Variants in PRKCQ observed in about 807,000 individuals in gnomAD.
PRKCQ encodes protein kinase C theta, also known as protein kinase C theta type.
A neutral mutation model predicts 91.2 loss-of-function variants in PRKCQ; 41 were observed. That is an observed-to-expected ratio of 0.45 (90% CI 0.35 to 0.58). The LOEUF (loss-of-function observed/expected upper bound fraction) is 0.58. PRKCQ is among the 20% of genes least tolerant of loss of function. PRKCQ has a pLI of 0.00. For synonymous variants in PRKCQ, 307 were observed against 316.9 expected, an observed-to-expected ratio of 0.97 and a Z score of 0.33; for missense variants, 673 against 896.5, an observed-to-expected ratio of 0.75 and a Z score of 3.18.
Position 6,517,348 on chromosome 10 carries a change from T to C in PRKCQ, c.-9-2204A>G, listed in dbSNP as rs1838805725. On this transcript the variant is annotated intron_variant, in intron 1 of 17. Coordinates refer to ENST00000263125, the MANE Select transcript of PRKCQ (RefSeq NM_006257.5). Reference sequence around the variant, plus strand: ...TAAATTAGCAAGTTTTGTGTTTTTTTTTTTCTTACATGCTATGATCATCCT... The same window carrying C: ...TAAATTAGCAAGTTTTGTGTTTTTTCTTTTCTTACATGCTATGATCATCCT... Among the ~76,000 whole-genome samples, 3 of 152,158 alleles carry C rather than the reference T, an allele frequency of 2.0e-5. No individual in the cohort carries two copies. In the South Asian group the frequency reaches 6.2e-4, roughly 32 times the overall value.
intron 1 of PRKCQ, among the ~76,000 whole-genome samples, chr10:6,527,636 C>A (rs1377089829): frequency 6.6e-6 from 1 of 152,166 alleles, no homozygotes; most frequent in African/African-American, 2.4e-5. Flanking sequence ...CCAAGTCCTG[C>A]CACCGTGCCA....
chr10:6,569,176 A>T (rs1318089051), intron 1 of PRKCQ, among the ~76,000 whole-genome samples: 1 of 152,178 alleles, frequency 6.6e-6, no homozygotes, highest in African/African-American at 2.4e-5. Flanking sequence ...TGTCAGACAC[A>T]ATGCTGACTG....
At chr10:6,432,624 G>A (rs1833479349) in intron 16 of PRKCQ, among the ~76,000 whole-genome samples, 1 of 152,138 alleles carries the variant, frequency 6.6e-6, no homozygotes, top group Non-Finnish European at 1.5e-5. Flanking sequence ...ACGTCGCCTT[G>A]GATAAGTTTT....
intron 13 of PRKCQ, 52 bp downstream of exon 13, chr10:6,464,261 C>A (rs1835512806): frequency 9.2e-6 from 14 of 1,515,666 alleles, no homozygotes; most frequent in South Asian, 1.2e-5. Context: ...AAAAAACCAG[C>A]AAGAACTGAC....
chr10:6,431,484 C>A (rs938142690), intron 16 of PRKCQ, among the ~76,000 whole-genome samples: 3 of 152,068 alleles, frequency 2.0e-5, no homozygotes, highest in Non-Finnish European at 2.9e-5. Flanking sequence ...ACCTGCACAC[C>A]CACTAAAACA....
chr10:6,456,155 TG>T (rs1834989130), intron 15 of PRKCQ, among the ~76,000 whole-genome samples: 1 of 152,096 alleles, frequency 6.6e-6, no homozygotes, highest in Non-Finnish European at 1.5e-5. Flanking sequence ...TATTTTTTAA[TG>T]GGGGCAGGGG....
At chr10:6,404,474 TTTTC>T in the PRKCQ span, among the ~76,000 whole-genome samples, 166 of 150,388 alleles carry the variant, frequency 1.1e-3, no homozygotes, top group Non-Finnish European at 2.0e-3. Context: ...TTTTTTCCTT[TTTTC>T]TTTCTTTCTC....
intron 12 of PRKCQ, among the ~76,000 whole-genome samples, chr10:6,476,241 T>C (rs1334813916): frequency 6.7e-6 from 1 of 149,508 alleles, no homozygotes; most frequent in Non-Finnish European, 1.5e-5. Context: ...GAAAGGAGCA[T>C]ACCTATCTTC....
chr10:6,452,587 G>C (rs1243608815), intron 15 of PRKCQ, among the ~76,000 whole-genome samples: 25 of 149,316 alleles, frequency 1.7e-4, no homozygotes, highest in African/African-American at 6.0e-4. Context: ...AAGTTCATAT[G>C]GAACCAAAAA....
the PRKCQ span, among the ~76,000 whole-genome samples, chr10:6,406,432 G>T: frequency 6.6e-6 from 1 of 151,664 alleles, no homozygotes; most frequent in Non-Finnish European, 1.5e-5. Flanking sequence ...TGCTGAAGTC[G>T]CTCCCCAGTG....
chr10:6,535,913 G>A (rs563436405), intron 1 of PRKCQ, among the ~76,000 whole-genome samples: 1 of 152,266 alleles, frequency 6.6e-6, no homozygotes, highest in East Asian at 1.9e-4. Context: ...AATGCCCCCA[G>A]CCTCCCACAT....
chr10:6,407,203 C>T, the PRKCQ span, among the ~76,000 whole-genome samples: 1 of 152,096 alleles, frequency 6.6e-6, no homozygotes, highest in Middle Eastern at 3.4e-3. This position sits in a 1 kb window ranked among gnomAD's most constrained non-coding sequence, Gnocchi z 4.0. Context: ...GATGCAATCC[C>T]ATGCCGGCTG....
chr10:6,568,398 T>C (rs1473975253), intron 1 of PRKCQ, among the ~76,000 whole-genome samples: 2 of 152,152 alleles, frequency 1.3e-5, no homozygotes, highest in African/African-American at 4.8e-5. Context: ...ATTTTTGCTA[T>C]GTCTACATTT....
rs1447717917 is a variant in PRKCQ, at chr10:6,441,999, G to A, written c.1730C>T (p.Ser577Leu). ...VLLYEMLIGQ[S>L]PFHGQDEEEL... is the part of the protein sequence containing the mutation. ...CTCCTCATCCTGCCCGTGGAAAGGCGACTGACCAATCAGCATTTCATAAAG... is the reference window on the plus strand; with the variant it reads ...CTCCTCATCCTGCCCGTGGAAAGGCAACTGACCAATCAGCATTTCATAAAG... Residue 577 changes from serine (S) to leucine (L), a missense_variant, in exon 16 of 18, where the codon TCG becomes TTG. Coordinates refer to ENST00000263125, the MANE Select transcript of PRKCQ (RefSeq NM_006257.5). The A allele has an allele frequency of 3.7e-6, 6 of 1,613,992 alleles. No homozygotes were observed. The highest frequency in any genetic ancestry group is 5.1e-6 in the Non-Finnish European group (6 of 1,180,018).
chr10:6,534,966 A>G (rs945700769), intron 1 of PRKCQ, among the ~76,000 whole-genome samples: 3 of 152,084 alleles, frequency 2.0e-5, no homozygotes, highest in African/African-American at 7.2e-5. Context: ...AAAAGGGAAA[A>G]TGTTTTTCAT....
chr10:6,478,869 G>T, intron 12 of PRKCQ, 123 bp downstream of exon 12: 1 of 1,129,034 alleles, frequency 8.9e-7, no homozygotes, highest in African/African-American at 1.6e-5. Flanking sequence ...TGGATGGCAG[G>T]TACACCGAAA....
chr10:6,501,764 C>A (rs1014777349), intron 4 of PRKCQ, among the ~76,000 whole-genome samples: 1 of 151,734 alleles, frequency 6.6e-6, no homozygotes, highest in East Asian at 1.9e-4. Flanking sequence ...GCGGAGGTTG[C>A]GGCGAGCCAA....
chr10:6,458,600 G>A (rs1835154234), intron 14 of PRKCQ, among the ~76,000 whole-genome samples: 1 of 152,070 alleles, frequency 6.6e-6, no homozygotes, highest in African/African-American at 2.4e-5. Context: ...GAGGTGGAGT[G>A]GGCATCACAG....
At chr10:6,500,466 T>C (rs1304083883) in intron 4 of PRKCQ, among the ~76,000 whole-genome samples, 2 of 151,274 alleles carry the variant, frequency 1.3e-5, no homozygotes, top group Admixed American at 1.3e-4. Flanking sequence ...TTTTATAAAC[T>C]ATAAATATAT....
Sources: allele counts gnomAD v4.1 joint callset (sites outside exome capture counted in the v4.1 genomes callset), GRCh38; gene constraint gnomAD v4.1.1; non-coding constraint Gnocchi (gnomAD v3.1); transcripts MANE v1.5; gene names NCBI Gene and HGNC (gene_info 2026-07-23, HGNC 2026-07-21).